PCSK6: variants seen among roughly 807,000 people sequenced by gnomAD.
PCSK6 encodes the protein paired basic amino acid cleaving enzyme 4.
PCSK6 carries 85 observed loss-of-function variants against 123.3 expected under a neutral mutation model. The ratio of observed to expected loss-of-function variants is 0.69; its 90% confidence interval spans 0.58 to 0.83. The LOEUF (loss-of-function observed/expected upper bound fraction) is 0.83. PCSK6 is among the 40% of genes least tolerant of loss of function. The pLI is 0.00. For synonymous variants in PCSK6, 508 were observed against 516.0 expected (o/e 0.98, Z 0.21); for missense variants, 1,191 against 1,282.3 (o/e 0.93, Z 1.09).
intron 6 of PCSK6, among the ~76,000 whole-genome samples, chr15:101,417,819 AC>A (rs1203885741): frequency 6.6e-6 from 1 of 151,964 alleles, no homozygotes; most frequent in African/African-American, 2.4e-5. Context: ...ATTAAAAAAA[AC>A]CTAGTTCTCT....
intron 7 of PCSK6, among the ~76,000 whole-genome samples, chr15:101,395,170 ATGT>A (rs759974321): frequency 6.6e-6 from 1 of 152,150 alleles, no homozygotes; most frequent in African/African-American, 2.4e-5. Flanking sequence ...GACTTATAAA[ATGT>A]TGTCCTTTTG....
At chr15:101,424,591 A>C (rs991148024) in intron 6 of PCSK6, among the ~76,000 whole-genome samples, 1 of 151,514 alleles carries the variant, frequency 6.6e-6, no homozygotes, top group Non-Finnish European at 1.5e-5. Flanking sequence ...AGCTAGAAAA[A>C]GTAAGGAAGA....
intron 1 of PCSK6, among the ~76,000 whole-genome samples, chr15:101,465,605 T>C (rs8027380): frequency 0.77 from 116,793 of 151,822 alleles, 45,291 homozygotes; most frequent in Non-Finnish European, 0.82. Context: ...TCTTTCTGAC[T>C]GTGGGGTAGG....
chr15:101,456,941 C>T (rs1252554754), intron 1 of PCSK6, among the ~76,000 whole-genome samples: 1 of 152,028 alleles, frequency 6.6e-6, no homozygotes, highest in African/African-American at 2.4e-5. Flanking sequence ...CTTTGGGAGG[C>T]CAAGCAGATC....
intron 13 of PCSK6, among the ~76,000 whole-genome samples, chr15:101,356,801 G>C (rs148266556): frequency 6.6e-6 from 1 of 152,172 alleles, no homozygotes; most frequent in Non-Finnish European, 1.5e-5. Flanking sequence ...ATTCACACTC[G>C]ATTCCATTCC....
intron 1 of PCSK6, among the ~76,000 whole-genome samples, chr15:101,446,160 G>A (rs1171051673): frequency 2.6e-5 from 4 of 152,252 alleles, no homozygotes; most frequent in African/African-American, 7.2e-5. Context: ...CTGGGGGGCC[G>A]GGGAGGGACG....
rs538443136 is a variant in PCSK6, at chr15:101,448,658, T to C, written c.298-4998A>G. 5.9e-5 allele frequency among the ~76,000 whole-genome samples: 9 copies of C among 152,324 alleles called. No individual in the cohort carries two copies. In the East Asian group the frequency reaches 7.7e-4, roughly 13 times the overall value. Reference sequence around the variant, plus strand: ...GTTATGACCATCCTCATCTGACTGATGGGGAAACTGAGGCACAGAGCAGTG... The same window carrying C: ...GTTATGACCATCCTCATCTGACTGACGGGGAAACTGAGGCACAGAGCAGTG... On this transcript the variant is annotated intron_variant, in intron 1 of 21. Coordinates refer to ENST00000611716, the MANE Select transcript of PCSK6 (RefSeq NM_002570.5).
At position 101,305,280 on chromosome 15, in the gene PCSK6, C is replaced by T. The variant is rs771917037; in HGVS notation, c.2888G>A (p.Arg963His). The T allele has an allele frequency of 5.6e-6, 9 of 1,611,672 alleles. No homozygotes were observed. The highest frequency in any genetic ancestry group is 2.7e-5 in the African/African-American group (2 of 74,916). The change falls in exon 22 of 22, where the codon CGC becomes CAC. Residue 963 changes from arginine (R) to histidine (H), a missense_variant. By Grantham distance (29) the Arg-to-His change is conservative. This residue lies in a region of PCSK6 where 630 missense variants were observed against 631.4 expected (regional missense o/e 1.00). Coordinates refer to ENST00000611716, the MANE Select transcript of PCSK6 (RefSeq NM_002570.5). The surrounding 1 kb of genome is among the most constrained non-coding windows in gnomAD (Gnocchi z 4.8). ...CCCTTACCCGGCCAGGAGGCACGTG[C>T]GGCAGCAGAACTGAATGAAGAGCTT... is the stretch of plus-strand genomic sequence containing the variant. Reference protein sequence around the residue: ...ERKLFIQFCCRTCLLAG With the variant: ...ERKLFIQFCCHTCLLAG
intron 1 of PCSK6, among the ~76,000 whole-genome samples, chr15:101,452,666 A>G (rs1172232571): frequency 6.6e-6 from 1 of 152,136 alleles, no homozygotes; most frequent in Non-Finnish European, 1.5e-5. Context: ...ACGGGTGGGA[A>G]CAGGCTACTC....
intron 4 of PCSK6, among the ~76,000 whole-genome samples, chr15:101,430,694 G>C (rs947342836): frequency 6.6e-6 from 1 of 152,174 alleles, no homozygotes; most frequent in South Asian, 2.1e-4. Context: ...GCTGCATAAC[G>C]ATCTGTCAGA....
chr15:101,446,714 G>A (rs2056899853), intron 1 of PCSK6, among the ~76,000 whole-genome samples: 1 of 152,224 alleles, frequency 6.6e-6, no homozygotes. Context: ...GAGTATCAGG[G>A]GAGTTCACCA....
intron 6 of PCSK6, among the ~76,000 whole-genome samples, chr15:101,422,686 A>T (rs1377960673): frequency 1.3e-5 from 2 of 150,850 alleles, no homozygotes; most frequent in Admixed American, 6.6e-5. Flanking sequence ...AGTTGGCGCG[A>T]TCTCAGCTCA....
chr15:101,375,029 G>A (rs1211173320), intron 11 of PCSK6, among the ~76,000 whole-genome samples: 2 of 150,918 alleles, frequency 1.3e-5, no homozygotes, highest in East Asian at 1.9e-4. Context: ...CTCAGCTTAC[G>A]GTAACCTCTG....
At chr15:101,435,161 T>A (rs1234266959) in intron 2 of PCSK6, among the ~76,000 whole-genome samples, 2 of 152,056 alleles carry the variant, frequency 1.3e-5, no homozygotes, top group Non-Finnish European at 2.9e-5. Context: ...ACCTGGACAC[T>A]CTGTGGAGGT....
chr15:101,423,672 T>C (rs2141095279), intron 6 of PCSK6, among the ~76,000 whole-genome samples: 1 of 152,054 alleles, frequency 6.6e-6, no homozygotes, highest in African/African-American at 2.4e-5. Context: ...GTTAAAAAAA[T>C]GAACAGTGCC....
rs752484065 is a variant in PCSK6, at chr15:101,384,268, C to G, written c.1414+54G>C. On this transcript the variant is annotated intron_variant, in intron 10 of 21. Coordinates refer to ENST00000611716, the MANE Select transcript of PCSK6 (RefSeq NM_002570.5). ...TCCTTTTAAGGAATTCATGACACCCCTTCCTACACATTCCAGGGCCACCCA... is the reference window on the plus strand; with the variant it reads ...TCCTTTTAAGGAATTCATGACACCCGTTCCTACACATTCCAGGGCCACCCA... The G allele has an allele frequency of 8.8e-6, 14 of 1,592,262 alleles. No individual in the cohort carries two copies. The South Asian group carries it at 1.6e-4, about 18-fold the overall frequency.
intron 15 of PCSK6, among the ~76,000 whole-genome samples, chr15:101,329,618 T>C (rs548969672): frequency 1.3e-5 from 2 of 152,242 alleles, no homozygotes; most frequent in Non-Finnish European, 1.5e-5. Flanking sequence ...ACCCTCATCC[T>C]GTGAACTGTC....
chr15:101,353,971 C>T (rs2141417489), intron 13 of PCSK6, among the ~76,000 whole-genome samples: 1 of 152,336 alleles, frequency 6.6e-6, no homozygotes, highest in East Asian at 1.9e-4. Flanking sequence ...CTCAGCACTT[C>T]TCGGGCACTG....
intron 1 of PCSK6, among the ~76,000 whole-genome samples, chr15:101,464,916 C>T (rs774147479): frequency 4.0e-4 from 61 of 151,126 alleles, no homozygotes; most frequent in Admixed American, 1.9e-3. Context: ...TAGGGGCCAG[C>T]GGCGGGCATA....
Sources: gnomAD v4.1 joint callset for allele counts (sites outside exome capture counted in the v4.1 genomes callset) on GRCh38, gnomAD v4.1.1 for gene constraint, gnomAD v4.1.1 regional missense constraint, Gnocchi (gnomAD v3.1) non-coding constraint, MANE v1.5 for transcripts, NCBI Gene and HGNC (gene_info 2026-07-23, HGNC 2026-07-21) for gene names.